Variants in SLCO3A1 observed in about 807,000 individuals in gnomAD.
SLCO3A1 encodes PGE1 transporter.
SLCO3A1 carries 27 observed loss-of-function variants against 63.1 expected under a neutral mutation model. The observed-to-expected ratio is 0.43, with a 90% confidence interval of 0.32 to 0.59. The LOEUF (loss-of-function observed/expected upper bound fraction) is 0.59, where lower values mean the gene tolerates loss of function less well. SLCO3A1 is among the 20% of genes least tolerant of loss of function. The probability of loss-of-function intolerance (pLI) is 0.09; values close to 1 mark genes in which losing one functional copy is unlikely to be tolerated. For synonymous variants in SLCO3A1, 473 were observed against 409.9 expected (o/e 1.15, Z -1.86); for missense variants, 773 against 945.8 (o/e 0.82, Z 2.40).
rs1045100833 is a variant in SLCO3A1 at position 91,954,301 on chromosome 15, A to G, written c.646+37843A>G. Among the ~76,000 whole-genome samples, 17 of 152,212 alleles carry G rather than the reference A, an allele frequency of 1.1e-4. No individual in the cohort carries two copies. Among genetic ancestry groups the G allele is most frequent in the Non-Finnish European group, 1.3e-4 (9 of 68,044 alleles). On this transcript the variant is annotated intron_variant, in intron 2 of 9. Transcript: ENST00000318445. This position sits in a 1 kb window ranked among gnomAD's most constrained non-coding sequence, Gnocchi z 4.7. ...TCTCTGAGCCCTTTGTGAGTTTCTCAGGATAAACCATCCACCCATGGAAGT... is the reference window on the plus strand; with the variant it reads ...TCTCTGAGCCCTTTGTGAGTTTCTCGGGATAAACCATCCACCCATGGAAGT...
At chr15:92,016,249 A>ATAGATAGAT (rs1555424443) in intron 2 of SLCO3A1, among the ~76,000 whole-genome samples, 7 of 58,452 alleles carry the variant, frequency 1.2e-4, no homozygotes, top group Admixed American at 4.3e-4. Context: ...AGATAGATAG[A>ATAGATAGAT]TAGATTAGAT....
At position 91,916,085 on chromosome 15, in the gene SLCO3A1, G is replaced by T; in HGVS notation, c.273G>T (p.Ala91=). ...GCAGCTTCGAGATCGGGAACCTGGC[G>T]CTCATCCTCTTCGTGAGCTACTTCG... ...IASSFEIGNL[A]LILFVSYFGA... The change falls in exon 2 of 10, where the codon GCG becomes GCT. Residue 91 remains alanine, a synonymous_variant. Transcript: ENST00000318445. The surrounding 1 kb of genome is among the most constrained non-coding windows in gnomAD (Gnocchi z 6.2). 1 of 1,612,986 alleles carries T rather than the reference G, an allele frequency of 6.2e-7. No individual in the cohort carries two copies. The highest frequency in any genetic ancestry group is 1.7e-5 in the Admixed American group (1 of 60,018).
In SLCO3A1 at chr15:92,147,001, G is replaced by C. The variant is rs375014073; in HGVS notation, c.1530G>C (p.Ala510=). Reference sequence around the variant, plus strand: ...CCTTTCAGAATCTCACGGGCTGTGCGTGCCTCACCACCGTCCCTGCTGAGA... The same window carrying C: ...CCTTTCAGAATCTCACGGGCTGTGCCTGCCTCACCACCGTCCCTGCTGAGA... The part of the protein sequence containing the change: ...GCNSTNLTGC[A]CLTTVPAENA... The change falls in exon 8 of 10, where the codon GCG becomes GCC. Residue 510 remains alanine (A), a synonymous_variant. Coordinates refer to ENST00000318445, the MANE Select transcript of SLCO3A1 (RefSeq NM_013272.4). 1.9e-6 allele frequency: 3 copies of C among 1,613,130 alleles called. No homozygotes were observed. Among genetic ancestry groups the C allele is most frequent in the Middle Eastern group, 1.7e-4 (1 of 6,056 alleles).
At chr15:92,066,745 G>T (rs1188481705) in intron 2 of SLCO3A1, among the ~76,000 whole-genome samples, 1 of 152,202 alleles carries the variant, frequency 6.6e-6, no homozygotes, top group Non-Finnish European at 1.5e-5. Context: ...CCCATTGCCT[G>T]CCGGGTGCCC....
At chr15:91,980,950 A>T (rs1242356669) in intron 2 of SLCO3A1, among the ~76,000 whole-genome samples, 1 of 152,188 alleles carries the variant, frequency 6.6e-6, no homozygotes, top group Non-Finnish European at 1.5e-5. Context: ...CCTTTATAGA[A>T]CAGTAGATTC....
chr15:91,993,856 G>T (rs543227819), intron 2 of SLCO3A1, among the ~76,000 whole-genome samples: 33 of 152,308 alleles, frequency 2.2e-4, no homozygotes, highest in African/African-American at 7.2e-4. Flanking sequence ...GAGGGAAGCT[G>T]GTCACCATGT....
chr15:91,975,571 G>T (rs1030897895), intron 2 of SLCO3A1, among the ~76,000 whole-genome samples: 3 of 152,230 alleles, frequency 2.0e-5, no homozygotes, highest in Non-Finnish European at 4.4e-5. Flanking sequence ...GCTTGTTGAT[G>T]ATCACTTTCT....
At chr15:92,069,444 A>G (rs2047190583) in intron 2 of SLCO3A1, among the ~76,000 whole-genome samples, 1 of 152,254 alleles carries the variant, frequency 6.6e-6, no homozygotes, top group South Asian at 2.1e-4. Context: ...CCCTTCATGC[A>G]GTGACCTGCT....
intron 2 of SLCO3A1, among the ~76,000 whole-genome samples, chr15:91,929,727 C>G (rs560512487): frequency 6.6e-6 from 1 of 152,156 alleles, no homozygotes; most frequent in Non-Finnish European, 1.5e-5. Flanking sequence ...CTGGCAACCA[C>G]CATTCTACTT....
At chr15:92,046,954 G>T (rs11632297) in intron 2 of SLCO3A1, among the ~76,000 whole-genome samples, 1 of 110,184 alleles carries the variant, frequency 9.1e-6, no homozygotes, top group East Asian at 2.4e-4. Flanking sequence ...CCCACACATT[G>T]AAAACCATTG....
intron 1 of SLCO3A1, among the ~76,000 whole-genome samples, chr15:91,910,150 C>T (rs1287900270): frequency 1.3e-5 from 2 of 152,232 alleles, no homozygotes; most frequent in African/African-American, 4.8e-5. Context: ...AACTCTCCCT[C>T]TGCCAGCCTC....
intron 2 of SLCO3A1, among the ~76,000 whole-genome samples, chr15:91,956,779 CTTCTTTTTTTTT>C (rs1900193891): frequency 7.0e-6 from 1 of 143,448 alleles, no homozygotes; most frequent in Non-Finnish European, 1.5e-5. Flanking sequence ...CTTGCCTTGC[CTTCTTTTTTTTT>C]TTTTTTTCTT....
chr15:92,015,723 G>A (rs189932596), intron 2 of SLCO3A1, among the ~76,000 whole-genome samples: 81 of 152,252 alleles, frequency 5.3e-4, no homozygotes, highest in African/African-American at 1.9e-3. Flanking sequence ...GGTAACTGTT[G>A]TGGGCATTGC....
rs1162487288 is a variant in SLCO3A1, at chr15:91,883,973, C to T, written c.180+29885C>T. 4.6e-5 allele frequency among the ~76,000 whole-genome samples: 7 copies of T among 152,182 alleles called. No individual in the cohort carries two copies. Among genetic ancestry groups the T allele is most frequent in the Non-Finnish European group, 7.3e-5 (5 of 68,038 alleles). ...ACCAAGGTCTGGCCTGACTGGAAAG[C>T]TTTATCACCATAGCATCATACATAC... On this transcript the variant is annotated intron_variant, in intron 1 of 9. Coordinates refer to ENST00000318445, the MANE Select transcript of SLCO3A1 (RefSeq NM_013272.4). This position sits in a 1 kb window ranked among gnomAD's most constrained non-coding sequence, Gnocchi z 4.8.
intron 4 of SLCO3A1, among the ~76,000 whole-genome samples, chr15:92,111,271 A>G (rs1428078119): frequency 6.6e-6 from 1 of 152,130 alleles, no homozygotes; most frequent in East Asian, 1.9e-4. Flanking sequence ...ATTACCATCT[A>G]GCAGTCAGTT....
chr15:92,056,033 G>A (rs572469679), intron 2 of SLCO3A1, among the ~76,000 whole-genome samples: 2 of 152,036 alleles, frequency 1.3e-5, no homozygotes, highest in South Asian at 4.2e-4. Context: ...GTTACCTAGT[G>A]CCAGTCTAGG....
intron 4 of SLCO3A1, among the ~76,000 whole-genome samples, chr15:92,114,988 G>A (rs1429851973): frequency 2.0e-5 from 3 of 152,146 alleles, no homozygotes; most frequent in Non-Finnish European, 4.4e-5. Flanking sequence ...TGTAATTACT[G>A]AGCAGTTGCA....
chr15:92,104,972 T>C (rs2047649834), intron 4 of SLCO3A1, among the ~76,000 whole-genome samples: 1 of 142,314 alleles, frequency 7.0e-6, no homozygotes, highest in South Asian at 2.6e-4. Flanking sequence ...GCGCGGTGGC[T>C]GTAATCCCAG....
intron 2 of SLCO3A1, among the ~76,000 whole-genome samples, chr15:91,966,861 G>C (rs1438577947): frequency 6.6e-6 from 1 of 152,184 alleles, no homozygotes; most frequent in Non-Finnish European, 1.5e-5. Context: ...TTTGTAGAAT[G>C]TAAAAAAGTC....
Sources: gnomAD v4.1 joint callset for allele counts (sites outside exome capture counted in the v4.1 genomes callset) on GRCh38, gnomAD v4.1.1 for gene constraint, Gnocchi (gnomAD v3.1) non-coding constraint, MANE v1.5 for transcripts, NCBI Gene and HGNC (gene_info 2026-07-23, HGNC 2026-07-21) for gene names.